The following CERS1 variants were observed in gnomAD, a reference collection of about 807,000 sequenced individuals.
CERS1 encodes the protein Embryonic growth/differentiation factor 1.
A neutral mutation model predicts 35.7 loss-of-function variants in CERS1; 16 were observed. That is an observed-to-expected ratio of 0.45 (90% CI 0.30 to 0.68). CERS1 has a LOEUF of 0.68. Ranked by LOEUF, CERS1 falls within the 30% of genes least tolerant of loss-of-function variation. CERS1 has a pLI of 0.08. For missense variants in CERS1, 454 were observed against 453.9 expected (o/e 1.00, Z 0.00); for synonymous variants, 243 against 201.6 (o/e 1.21, Z -1.74).
At chr19:18,877,172 CT>C (rs755871682) in intron 6 of CERS1, among the ~76,000 whole-genome samples, 1 of 152,212 alleles carries the variant, frequency 6.6e-6, no homozygotes, top group Non-Finnish European at 1.5e-5. Context: ...CTCTCTGGCA[CT>C]TCTGTACAGG....
Position 18,869,124 on chromosome 19 carries a change from G to C in CERS1, c.*861C>G. ...TTGCGAGCCCAAGCGGCGCCCAGCA[G>C]CTCCGCGCGCACTGGCGGCCCCAGG... On this transcript the variant is annotated 3_prime_UTR_variant, in exon 8 of 8. Coordinates refer to ENST00000623882, the MANE Select transcript of CERS1 (RefSeq NM_021267.5). The C allele has an allele frequency of 9.1e-7, 1 of 1,094,324 alleles. No homozygotes were observed. The allele number at this position is 1,094,324 out of a possible 1,614,324, so 67.8% of individuals were successfully genotyped here. A position where few individuals can be genotyped will look rare whatever the true frequency, so the allele number is the denominator to read the frequency against.
At chr19:18,888,824 C>CT (rs1233106238) in intron 2 of CERS1, among the ~76,000 whole-genome samples, 3 of 151,468 alleles carry the variant, frequency 2.0e-5, no homozygotes, top group African/African-American at 7.3e-5. Flanking sequence ...GAGCGAAACT[C>CT]TGTCTCAAAA....
At chr19:18,884,426 T>G (rs1225069634) in intron 2 of CERS1, among the ~76,000 whole-genome samples, 159 bp from the exon 3 acceptor site, 1 of 151,824 alleles carries the variant, frequency 6.6e-6, no homozygotes, top group Admixed American at 6.6e-5. Context: ...TATTTTTTTT[T>G]TTTTTTCTTT....
Position 18,869,001 on chromosome 19 carries a change from T to C in CERS1, c.*984A>G. 1 of 1,101,218 alleles carries C rather than the reference T, an allele frequency of 9.1e-7. No individual in the cohort carries two copies. The highest frequency in any genetic ancestry group is 1.1e-6 in the Non-Finnish European group (1 of 905,474). 68.2% of individuals were successfully genotyped at this position (1,101,218 alleles called of 1,614,324 possible). ...GGGTGGCACAGGCGCGGGTCGAGGG[T>C]CACCAGCAGCAGCGAGGCCTCGGCC... is the stretch of plus-strand genomic sequence containing the variant. On this transcript the variant is annotated 3_prime_UTR_variant, in exon 8 of 8. Coordinates refer to ENST00000623882, the MANE Select transcript of CERS1 (RefSeq NM_021267.5).
chr19:18,881,220 A>T (rs1251371674), intron 3 of CERS1, among the ~76,000 whole-genome samples: 6 of 147,144 alleles, frequency 4.1e-5, no homozygotes, highest in Non-Finnish European at 7.5e-5. Context: ...TTTTTTTTTT[A>T]ATTTTTTTTT....
At chr19:18,879,146 C>T (rs2056128052) in intron 5 of CERS1, 95 bp downstream of exon 5, 1 of 1,591,322 alleles carries the variant, frequency 6.3e-7, no homozygotes, top group East Asian at 2.3e-5. Context: ...CTGTCTGCCA[C>T]CTAACGTGCC....
In CERS1 at chr19:18,869,246, G is replaced by C. The variant is rs1375718300; in HGVS notation, c.*739C>G. The C allele has an allele frequency of 1.5e-6, 2 of 1,357,424 alleles. No individual in the cohort carries two copies. The highest frequency in any genetic ancestry group is 1.9e-6 in the Non-Finnish European group (2 of 1,056,190). The allele number at this position is 1,357,424 out of a possible 1,614,324, so 84.1% of individuals were successfully genotyped here. A position where few individuals can be genotyped will look rare whatever the true frequency, so the allele number is the denominator to read the frequency against. ...CAGCTCCCAGCCGCCCTCCGGGGCT[G>C]CCGCCGCCGCCGCCGCGAAACGCAG... On this transcript the variant is annotated 3_prime_UTR_variant, in exon 8 of 8. Transcript: ENST00000623882.
At position 18,868,908 on chromosome 19, in the gene CERS1, G is replaced by A. The variant is rs1294245027; in HGVS notation, c.*1077C>T. ...TCGCGGAAGCTCACGTACAGCCGCCGCGCGCGACAAGCGCCCCCGGGGCCG... is the reference window on the plus strand; with the variant it reads ...TCGCGGAAGCTCACGTACAGCCGCCACGCGCGACAAGCGCCCCCGGGGCCG... On this transcript the variant is annotated 3_prime_UTR_variant, in exon 8 of 8. Transcript: ENST00000623882. 5.8e-6 allele frequency: 8 copies of A among 1,378,742 alleles called. No homozygotes were observed. The highest frequency in any genetic ancestry group is 2.6e-4 in the Middle Eastern group (1 of 3,776). 85.4% of individuals were successfully genotyped at this position (1,378,742 alleles called of 1,614,324 possible).
Position 18,878,799 on chromosome 19 carries a change from T to G in CERS1, c.1010+131A>C. 1 of 1,476,946 alleles carries G rather than the reference T, an allele frequency of 6.8e-7. No individual in the cohort carries two copies. Among genetic ancestry groups the G allele is most frequent in the African/African-American group, 1.4e-5 (1 of 71,702 alleles). 91.5% of individuals were successfully genotyped at this position (1,476,946 alleles called of 1,614,324 possible). A position where few individuals can be genotyped will look rare whatever the true frequency, so the allele number is the denominator to read the frequency against. On this transcript the variant is annotated intron_variant, in intron 6 of 7. Coordinates refer to ENST00000623882, the MANE Select transcript of CERS1 (RefSeq NM_021267.5). This position sits in a 1 kb window ranked among gnomAD's most constrained non-coding sequence, Gnocchi z 4.6. ...CACGCCTTTATTGCAGTCTCTGTTTTGGAGTAGGCTTGGGGGGCAGCATCC... is the reference window on the plus strand; with the variant it reads ...CACGCCTTTATTGCAGTCTCTGTTTGGGAGTAGGCTTGGGGGGCAGCATCC...
intron 2 of CERS1, among the ~76,000 whole-genome samples, chr19:18,888,901 T>G (rs1165649981): frequency 6.0e-5 from 9 of 149,138 alleles, no homozygotes; most frequent in Admixed American, 4.7e-4. Context: ...TTTTTTTTTT[T>G]TTTTTTTTGA....
At position 18,885,511 on chromosome 19, in the gene CERS1, G is replaced by GTTTTTTT. The variant is rs59793456; in HGVS notation, c.410-1251_410-1245dup. Among the ~76,000 whole-genome samples the GTTTTTTT allele has an allele frequency of 3.6e-3, 80 of 22,096 alleles. 2 individuals carry two copies. Among genetic ancestry groups the GTTTTTTT allele is most frequent in the African/African-American group, 8.3e-3 (72 of 8,682 alleles). 14.5% of individuals were successfully genotyped at this position (22,096 alleles called of 152,430 possible). A position where few individuals can be genotyped will look rare whatever the true frequency, so the allele number is the denominator to read the frequency against. ...CTCACCCAGCCCAGCGCCCCTTCTC[G>GTTTTTTT]TTTTTTTTTTTTTTTTTTTTTTTTT... On this transcript the variant is annotated intron_variant, in intron 2 of 7. Coordinates refer to ENST00000623882, the MANE Select transcript of CERS1 (RefSeq NM_021267.5).
chr19:18,879,115 G>C, intron 5 of CERS1, 76 bp from the exon 6 acceptor site: 2 of 1,587,154 alleles, frequency 1.3e-6, no homozygotes, highest in Non-Finnish European at 1.7e-6. Flanking sequence ...ATGTGCTCCT[G>C]TCCCGGGCCC....
intron 2 of CERS1, 119 bp downstream of exon 2, chr19:18,893,297 C>T: frequency 8.5e-7 from 1 of 1,181,394 alleles, no homozygotes; most frequent in African/African-American, 1.5e-5. Context: ...TCCCCTTGGC[C>T]TCCAACTCCT....
chr19:18,892,949 C>A (rs2056529098), intron 2 of CERS1, among the ~76,000 whole-genome samples: 2 of 152,104 alleles, frequency 1.3e-5, no homozygotes, highest in Non-Finnish European at 2.9e-5. Flanking sequence ...CAGAGTCTCG[C>A]TCTGTTGCCC....
intron 1 of CERS1, among the ~76,000 whole-genome samples, chr19:18,894,392 G>A (rs965239816): frequency 2.6e-5 from 4 of 152,070 alleles, no homozygotes; most frequent in East Asian, 1.9e-4. Context: ...AGCCGGCTCC[G>A]GTAACCCCTG....
chr19:18,872,448 CG>C (rs1458989039), intron 6 of CERS1, among the ~76,000 whole-genome samples: 1 of 151,686 alleles, frequency 6.6e-6, no homozygotes, highest in Non-Finnish European at 1.5e-5. Flanking sequence ...CCCAGGTTCA[CG>C]GGATTCTCCT....
Position 18,868,546 on chromosome 19 carries a change from A to C in CERS1, c.*1439T>G. 1 of 1,409,884 alleles carries C rather than the reference A, an allele frequency of 7.1e-7. No individual in the cohort carries two copies. Among genetic ancestry groups the C allele is most frequent in the Non-Finnish European group, 9.8e-7 (1 of 1,022,362 alleles). 87.3% of individuals were successfully genotyped at this position (1,409,884 alleles called of 1,614,324 possible). Reference sequence around the variant, plus strand: ...GCAAGGAGTCCAAGGAGACCAGCGGAGCAGACCACGCGGCATTTATTGTTG... The same window carrying C: ...GCAAGGAGTCCAAGGAGACCAGCGGCGCAGACCACGCGGCATTTATTGTTG... On this transcript the variant is annotated 3_prime_UTR_variant, in exon 8 of 8. Transcript: ENST00000623882.
In CERS1 at chr19:18,878,052, C is replaced by T. The variant is rs149125950; in HGVS notation, c.1010+878G>A. 74 of 985,526 alleles carry T rather than the reference C, an allele frequency of 7.5e-5. No individual in the cohort carries two copies. In the African/African-American group the frequency reaches 1.1e-3, roughly 14 times the overall value. 61.0% of individuals were successfully genotyped at this position (985,526 alleles called of 1,614,324 possible). ...GGATGTGTTAAATGTCTGCATCTCG[C>T]ACCTCCCGTTCCAAAAAACGTCACG... On this transcript the variant is annotated intron_variant, in intron 6 of 7. Transcript: ENST00000623882. This position sits in a 1 kb window ranked among gnomAD's most constrained non-coding sequence, Gnocchi z 4.6.
chr19:18,876,158 G>A (rs564816076), intron 6 of CERS1, among the ~76,000 whole-genome samples: 179 of 151,666 alleles, frequency 1.2e-3, no homozygotes, highest in Admixed American at 2.4e-3. Flanking sequence ...ATAATTTTTC[G>A]TATTTTTAGT....
Sources: gnomAD v4.1 joint callset for allele counts (sites outside exome capture counted in the v4.1 genomes callset) on GRCh38, gnomAD v4.1.1 for gene constraint, Gnocchi (gnomAD v3.1) non-coding constraint, MANE v1.5 for transcripts, NCBI Gene and HGNC (gene_info 2026-07-23, HGNC 2026-07-21) for gene names.